The following RLF variants were observed in gnomAD, a reference collection of about 807,000 sequenced individuals.
RLF encodes the protein RLF zinc finger.
In RLF, 7 loss-of-function variants were observed where a neutral mutation model predicts 162.9. The ratio of observed to expected loss-of-function variants is 0.04; its 90% CI spans 0.02 to 0.08. RLF has a LOEUF of 0.08. RLF is among the 10% of genes least tolerant of loss of function. RLF has a pLI of 1.00. For synonymous variants in RLF, 782 were observed against 791.5 expected, an observed-to-expected ratio of 0.99 and a Z score of 0.20; for missense variants, 1,664 against 2,244.7, an observed-to-expected ratio of 0.74 and a Z score of 5.23.
chr1:40,195,235 G>T (rs1642617853), intron 3 of RLF, among the ~76,000 whole-genome samples: 1 of 151,222 alleles, frequency 6.6e-6, no homozygotes. Flanking sequence ...TGGATCACGA[G>T]GTCAGGAGTT....
chr1:40,213,582 A>G (rs549080581), intron 5 of RLF, among the ~76,000 whole-genome samples: 20 of 152,310 alleles, frequency 1.3e-4, no homozygotes, highest in Admixed American at 1.2e-3. Context: ...TTTCCCAAAG[A>G]TATCTAGGGT....
intron 3 of RLF, among the ~76,000 whole-genome samples, chr1:40,192,208 C>T (rs1354488787): frequency 2.0e-5 from 3 of 152,172 alleles, no homozygotes; most frequent in African/African-American, 4.8e-5. Context: ...ATGCGTAGCA[C>T]TTTGATTTTT....
chr1:40,181,319 ACTT>A (rs1465590905), intron 1 of RLF, among the ~76,000 whole-genome samples: 3 of 152,196 alleles, frequency 2.0e-5, no homozygotes, highest in African/African-American at 7.2e-5. Context: ...AGTCCCAGGT[ACTT>A]GGGAGAACGA....
chr1:40,186,181 A>C (rs1260351753), intron 1 of RLF, among the ~76,000 whole-genome samples: 2 of 151,696 alleles, frequency 1.3e-5, no homozygotes, highest in Non-Finnish European at 2.9e-5. Flanking sequence ...AAGAAAGAAA[A>C]TGCCTGGCTA....
At chr1:40,213,147 G>C (rs1027568684) in intron 5 of RLF, among the ~76,000 whole-genome samples, 1 of 152,180 alleles carries the variant, frequency 6.6e-6, no homozygotes, top group Non-Finnish European at 1.5e-5. Flanking sequence ...TCTGTGTAAA[G>C]AAATTGAGGA....
chr1:40,188,185 G>A (rs1328508111), intron 1 of RLF, among the ~76,000 whole-genome samples: 1 of 152,152 alleles, frequency 6.6e-6, no homozygotes, highest in East Asian at 1.9e-4. Context: ...CAACTCCATG[G>A]AACTCAGAAG....
At chr1:40,186,331 A>G (rs1570527730) in intron 1 of RLF, among the ~76,000 whole-genome samples, 1 of 152,216 alleles carries the variant, frequency 6.6e-6, no homozygotes, top group East Asian at 1.9e-4. Context: ...GCCATTCTTC[A>G]CATACCCAGA....
chr1:40,189,819 A>AC (rs1642533176), intron 2 of RLF, among the ~76,000 whole-genome samples: 1 of 152,000 alleles, frequency 6.6e-6, no homozygotes. Context: ...AAAAAAAAGA[A>AC]CGTGATTTAG....
chr1:40,181,204 TG>T (rs1190030805), intron 1 of RLF, among the ~76,000 whole-genome samples: 1 of 152,044 alleles, frequency 6.6e-6, no homozygotes, highest in Non-Finnish European at 1.5e-5. Context: ...CCAAGGTGGA[TG>T]GATTACTTGA....
At chr1:40,177,733 T>G (rs1374294269) in intron 1 of RLF, 1 of 152,176 alleles carries the variant, frequency 6.6e-6, no homozygotes, top group Non-Finnish European at 1.5e-5. Context: ...AGGTTTTACA[T>G]TTAAGTCTAT....
chr1:40,207,382 T>C (rs905568665), intron 5 of RLF, among the ~76,000 whole-genome samples: 1 of 152,262 alleles, frequency 6.6e-6, no homozygotes, highest in Non-Finnish European at 1.5e-5. Context: ...TGTGATTTTA[T>C]ATTTCTCTCT....
intron 5 of RLF, among the ~76,000 whole-genome samples, chr1:40,221,883 C>G (rs1231441850): frequency 3.7e-4 from 45 of 120,166 alleles, no homozygotes; most frequent in Non-Finnish European, 6.6e-4. Context: ...CTGGGCGACA[C>G]AGCGAGACTC....
intron 1 of RLF, among the ~76,000 whole-genome samples, chr1:40,172,896 T>G (rs1642264864): frequency 6.6e-6 from 1 of 152,142 alleles, no homozygotes; most frequent in African/African-American, 2.4e-5. Context: ...ATGTTTAAGT[T>G]TTGATGGATA....
intron 7 of RLF, among the ~76,000 whole-genome samples, chr1:40,232,791 A>G (rs1161323726): frequency 2.0e-5 from 3 of 152,068 alleles, no homozygotes; most frequent in Non-Finnish European, 4.4e-5. Context: ...TACAGCTTCA[A>G]ACTCCTTGGC....
chr1:40,231,836 C>G (rs1643154858), intron 7 of RLF, among the ~76,000 whole-genome samples, 178 bp downstream of exon 7: 1 of 152,136 alleles, frequency 6.6e-6, no homozygotes. Flanking sequence ...TAATCAGAAA[C>G]AAATTGATGG....
chr1:40,185,744 C>T (rs1476111909), intron 1 of RLF, among the ~76,000 whole-genome samples: 9 of 127,836 alleles, frequency 7.0e-5, no homozygotes, highest in African/African-American at 2.1e-4. Context: ...AGGAGAATGG[C>T]GTGAACCTGG....
At chr1:40,205,761 G>A (rs1321498226) in intron 5 of RLF, among the ~76,000 whole-genome samples, 3 of 152,108 alleles carry the variant, frequency 2.0e-5, no homozygotes, top group South Asian at 2.1e-4. Context: ...AAAGTGCTGG[G>A]ATTACAGGCG....
At chr1:40,222,507 C>G in intron 5 of RLF, 67 bp from the exon 6 acceptor site, 1 of 1,530,958 alleles carries the variant, frequency 6.5e-7, no homozygotes, top group Non-Finnish European at 8.9e-7. Context: ...GAAGTTTCAC[C>G]TTATATAACA....
intron 6 of RLF, among the ~76,000 whole-genome samples, chr1:40,224,830 T>TA (rs1381952568): frequency 6.0e-5 from 9 of 150,580 alleles, no homozygotes; most frequent in African/African-American, 2.2e-4. Flanking sequence ...CTACTAAAAA[T>TA]ACAAAAATTA....
Sources: gnomAD v4.1 joint callset for allele counts (sites outside exome capture counted in the v4.1 genomes callset) on GRCh38, gnomAD v4.1.1 for gene constraint, MANE v1.5 for transcripts, NCBI Gene and HGNC (gene_info 2026-07-23, HGNC 2026-07-21) for gene names.